Variants in PXDNL observed in about 807,000 individuals in gnomAD.
The protein encoded by PXDNL is peroxidasin like, also known as probable oxidoreductase PXDNL.
PXDNL carries 145 observed loss-of-function variants against 150.8 expected under a neutral mutation model. The observed-to-expected ratio is 0.96, with a 90% CI of 0.84 to 1.10. The LOEUF (loss-of-function observed/expected upper bound fraction) is 1.10. Ranked by LOEUF, PXDNL falls within the 50% of genes least tolerant of loss-of-function variation. The pLI is 0.00. For missense variants in PXDNL, 2,087 were observed against 1,873.9 expected (o/e 1.11, Z -2.10); for synonymous variants, 757 against 725.7 (o/e 1.04, Z -0.69).
chr8:51,408,544 G>A lies in PXDNL; in HGVS notation c.3080C>T (p.Thr1027Ile), dbSNP rs889386579. The A allele has an allele frequency of 3.1e-6, 5 of 1,613,068 alleles. No individual in the cohort carries two copies. In the African/African-American group the frequency reaches 5.3e-5, roughly 17 times the overall value. ...GCCTCGGTAACCCCTCAGCATCCTA[G>A]TGCCAGGGTCCCCCAGGACCTTAGG... is the stretch of plus-strand genomic sequence containing the variant. Reference protein sequence around the residue: ...WLPKVLGDPGTRMLRGYRGYN... With the variant: ...WLPKVLGDPGIRMLRGYRGYN... Residue 1027 changes from threonine (T) to isoleucine (I), a missense_variant, in exon 17 of 23, where the codon ACT becomes ATT. Transcript: ENST00000356297.
intron 1 of PXDNL, among the ~76,000 whole-genome samples, chr8:51,784,315 A>C (rs1335229027): frequency 6.6e-6 from 1 of 152,374 alleles, no homozygotes; most frequent in South Asian, 2.1e-4. Flanking sequence ...ATATTTTATC[A>C]GTCAAAACTA....
chr8:51,577,327 A>G (rs962894771), intron 3 of PXDNL, among the ~76,000 whole-genome samples: 9 of 151,764 alleles, frequency 5.9e-5, no homozygotes, highest in African/African-American at 1.9e-4. Context: ...CAGGAATACA[A>G]AAGTAGTTCA....
intron 19 of PXDNL, among the ~76,000 whole-genome samples, chr8:51,351,046 G>C (rs972096407): frequency 4.6e-5 from 7 of 152,126 alleles, no homozygotes; most frequent in African/African-American, 1.7e-4. Flanking sequence ...GAAGTGAGAC[G>C]GTTCCAGTAG....
intron 21 of PXDNL, among the ~76,000 whole-genome samples, chr8:51,321,655 G>A (rs1053853715): frequency 6.6e-6 from 1 of 152,042 alleles, no homozygotes; most frequent in African/African-American, 2.4e-5. Flanking sequence ...ATGTGAAGAA[G>A]GTGCTTGCTT....
chr8:51,800,698 T>C (rs1361549266), intron 1 of PXDNL, among the ~76,000 whole-genome samples: 1 of 152,212 alleles, frequency 6.6e-6, no homozygotes, highest in Non-Finnish European at 1.5e-5. Context: ...ATGCCTGTCT[T>C]TACTGCAATC....
chr8:51,425,491 C>A (rs1809067196), intron 13 of PXDNL, among the ~76,000 whole-genome samples: 1 of 152,006 alleles, frequency 6.6e-6, no homozygotes, highest in African/African-American at 2.4e-5. Flanking sequence ...CTATTTTTAG[C>A]ATAAAAATAT....
chr8:51,321,994 T>C (rs894605529), intron 21 of PXDNL, among the ~76,000 whole-genome samples: 4 of 152,134 alleles, frequency 2.6e-5, no homozygotes, highest in African/African-American at 9.7e-5. Context: ...AGTGGGGCTC[T>C]AACCCAATAA....
intron 3 of PXDNL, among the ~76,000 whole-genome samples, chr8:51,562,835 T>C (rs1812744892): frequency 2.0e-5 from 3 of 151,940 alleles, no homozygotes; most frequent in Admixed American, 2.0e-4. Context: ...AAAACTAACC[T>C]GACAAATCAC....
chr8:51,749,541 G>A (rs1228870384), intron 1 of PXDNL, among the ~76,000 whole-genome samples: 2 of 152,146 alleles, frequency 1.3e-5, no homozygotes, highest in Admixed American at 6.5e-5. Context: ...AAAACGGTCC[G>A]CCTGCATAGG....
At chr8:51,629,418 A>G (rs1281268990) in intron 2 of PXDNL, among the ~76,000 whole-genome samples, 3 of 152,278 alleles carry the variant, frequency 2.0e-5, no homozygotes, top group Admixed American at 6.5e-5. Context: ...AACCTAAGAG[A>G]CTGTGGGACA....
rs149280332 is a variant in PXDNL, at chr8:51,565,333, G to A, written c.309-8422C>T. Among the ~76,000 whole-genome samples the A allele has an allele frequency of 8.3e-3, 1,118 of 134,570 alleles. 3 individuals carry two copies. The highest frequency in any genetic ancestry group is 0.014 in the Middle Eastern group (4 of 276). The allele number at this position is 134,570 out of a possible 152,430, so 88.3% of individuals were successfully genotyped here. On this transcript the variant is annotated intron_variant, in intron 3 of 22. Transcript: ENST00000356297. ...AAATAAATAAATAAATAGATAGATA[G>A]ATAGATAGATAAATAAATAAATACA...
chr8:51,359,246 G>A (rs750198501), intron 19 of PXDNL, among the ~76,000 whole-genome samples: 4 of 152,096 alleles, frequency 2.6e-5, no homozygotes, highest in Non-Finnish European at 4.4e-5. Context: ...AGACAGAGAT[G>A]ACAAAAGAAC....
At chr8:51,516,290 A>C (rs532658922) in intron 4 of PXDNL, among the ~76,000 whole-genome samples, 1 of 152,344 alleles carries the variant, frequency 6.6e-6, no homozygotes, top group Non-Finnish European at 1.5e-5. Flanking sequence ...GATTGTGAAA[A>C]TATAGCACAG....
chr8:51,442,625 TC>T (rs1275895236), intron 12 of PXDNL, among the ~76,000 whole-genome samples: 6 of 152,002 alleles, frequency 3.9e-5, no homozygotes, highest in Non-Finnish European at 7.4e-5. Flanking sequence ...TACTCATGAT[TC>T]TTCTTCCTAA....
rs532262627 is a variant in PXDNL, at chr8:51,501,339, G to A, written c.381-1569C>T. On this transcript the variant is annotated intron_variant, in intron 4 of 22. Coordinates refer to ENST00000356297, the MANE Select transcript of PXDNL (RefSeq NM_144651.5). Reference sequence around the variant, plus strand: ...TCAGCTTCACACATACTTTCATACTGACACACACTCTCACATTGTCTCACA... The same window carrying A: ...TCAGCTTCACACATACTTTCATACTAACACACACTCTCACATTGTCTCACA... 4.6e-5 allele frequency among the ~76,000 whole-genome samples: 6 copies of A among 131,240 alleles called. No homozygotes were observed. In the South Asian group the frequency reaches 1.2e-3, roughly 26 times the overall value. The allele number at this position is 131,240 out of a possible 152,430, so 86.1% of individuals were successfully genotyped here. A position where few individuals can be genotyped will look rare whatever the true frequency, so the allele number is the denominator to read the frequency against.
intron 8 of PXDNL, among the ~76,000 whole-genome samples, chr8:51,471,941 C>T (rs898080422): frequency 6.6e-6 from 1 of 152,122 alleles, no homozygotes; most frequent in South Asian, 2.1e-4. Context: ...CCGCCCACCT[C>T]GGCCTCCCAA....
chr8:51,389,747 T>A (rs1192238711), intron 17 of PXDNL, among the ~76,000 whole-genome samples: 1 of 152,206 alleles, frequency 6.6e-6, no homozygotes, highest in East Asian at 1.9e-4. Flanking sequence ...TACTTTTTGT[T>A]CAATGGTTCT....
At chr8:51,659,275 T>C (rs1237792279) in intron 1 of PXDNL, among the ~76,000 whole-genome samples, 3 of 152,188 alleles carry the variant, frequency 2.0e-5, no homozygotes, top group Admixed American at 1.3e-4. Flanking sequence ...TCCTAGTCAT[T>C]GTACCAAGAT....
At chr8:51,789,849 T>C (rs1158789026) in intron 1 of PXDNL, among the ~76,000 whole-genome samples, 1 of 152,178 alleles carries the variant, frequency 6.6e-6, no homozygotes, top group East Asian at 1.9e-4. Flanking sequence ...AGGGAACTTG[T>C]GTTACTTATC....
Sources: gnomAD v4.1 joint callset for allele counts (sites outside exome capture counted in the v4.1 genomes callset) on GRCh38, gnomAD v4.1.1 for gene constraint, MANE v1.5 for transcripts, NCBI Gene and HGNC (gene_info 2026-07-23, HGNC 2026-07-21) for gene names.